TXNRD1: variants seen among roughly 807,000 people sequenced by gnomAD.
The protein encoded by TXNRD1 is thioredoxin reductase 1.
In TXNRD1, 57 loss-of-function variants were observed where a neutral mutation model predicts 80.3. That is an observed-to-expected ratio of 0.71 (90% CI 0.57 to 0.89). The LOEUF (loss-of-function observed/expected upper bound fraction) is 0.89. TXNRD1 is among the 40% of genes least tolerant of loss of function. The probability of loss-of-function intolerance (pLI) is 0.00; values close to 1 mark genes in which losing one functional copy is unlikely to be tolerated. For synonymous variants in TXNRD1, 291 were observed against 285.2 expected (o/e 1.02, Z -0.20); for missense variants, 730 against 803.0 (o/e 0.91, Z 1.10).
intron 4 of TXNRD1, among the ~76,000 whole-genome samples, chr12:104,292,031 G>A (rs887124927): frequency 1.2e-4 from 18 of 152,214 alleles, no homozygotes; most frequent in African/African-American, 4.3e-4. Flanking sequence ...TACTTTAATT[G>A]CAACATAAAT....
intron 10 of TXNRD1, among the ~76,000 whole-genome samples, chr12:104,322,680 T>C (rs2035580103): frequency 6.6e-6 from 1 of 152,220 alleles, no homozygotes; most frequent in Admixed American, 6.5e-5. Flanking sequence ...GCGCCTGGCC[T>C]GTAGCTGTTT....
In TXNRD1 at chr12:104,315,772, T is replaced by C. The variant is rs749952245; in HGVS notation, c.611-5T>C. On this transcript the variant is annotated splice_polypyrimidine_tract_variant and splice_region_variant and intron_variant, in intron 6 of 16. Transcript: ENST00000525566. Reference sequence around the variant, plus strand: ...TTATAAACTGATTTCTCAATGTTGTTGTAGGTCTCGGAGGAACATGTGTGA... The same window carrying C: ...TTATAAACTGATTTCTCAATGTTGTCGTAGGTCTCGGAGGAACATGTGTGA... The C allele has an allele frequency of 6.2e-7, 1 of 1,610,504 alleles. No homozygotes were observed. The highest frequency in any genetic ancestry group is 8.5e-7 in the Non-Finnish European group (1 of 1,177,830).
chr12:104,235,827 A>G (rs2032726693), intron 1 of TXNRD1, among the ~76,000 whole-genome samples: 1 of 152,214 alleles, frequency 6.6e-6, no homozygotes, highest in South Asian at 2.1e-4. Flanking sequence ...CCTTGGGAAC[A>G]TAACCTGTAG....
chr12:104,273,691 C>G (rs770398617), intron 3 of TXNRD1, among the ~76,000 whole-genome samples: 1 of 152,250 alleles, frequency 6.6e-6, no homozygotes, highest in Non-Finnish European at 1.5e-5. Context: ...ACCGCCCCGA[C>G]CTGCGCGTGG....
At chr12:104,327,882 C>T (rs1047306078) in intron 13 of TXNRD1, among the ~76,000 whole-genome samples, 6 of 151,700 alleles carry the variant, frequency 4.0e-5, no homozygotes, top group African/African-American at 9.7e-5. Flanking sequence ...GACACTCCGC[C>T]GGGCACAGTG....
At chr12:104,290,420 G>T (rs1010284363) in intron 4 of TXNRD1, among the ~76,000 whole-genome samples, 3 of 151,882 alleles carry the variant, frequency 2.0e-5, no homozygotes, top group Non-Finnish European at 4.4e-5. Context: ...GGCCGGGTGC[G>T]GTGGCTCACA....
intron 1 of TXNRD1, among the ~76,000 whole-genome samples, chr12:104,228,558 G>A (rs546489856): frequency 1.3e-5 from 2 of 152,204 alleles, no homozygotes; most frequent in Admixed American, 1.3e-4. Flanking sequence ...TTGAACCCAG[G>A]AGGCAGAGAT....
intron 4 of TXNRD1, chr12:104,304,762 T>G: frequency 6.2e-7 from 1 of 1,613,996 alleles, no homozygotes; most frequent in Non-Finnish European, 8.5e-7. Context: ...TAAGGCTTGA[T>G]GAAGACAGGC....
intron 4 of TXNRD1, chr12:104,303,775 T>C (rs1670230806): frequency 8.0e-7 from 1 of 1,246,770 alleles, no homozygotes; most frequent in South Asian, 1.6e-5. Context: ...GCCGCCACTT[T>C]CCACACGCTG....
rs2033294176 is a variant in TXNRD1 at position 104,258,067 on chromosome 12, C to T, written c.292C>T (p.Leu98Phe). 2 of 1,551,190 alleles carry T rather than the reference C, an allele frequency of 1.3e-6. No homozygotes were observed. Among genetic ancestry groups the T allele is most frequent in the African/African-American group, 1.4e-5 (1 of 73,488 alleles). The change falls in exon 3 of 17, where the codon CTT becomes TTT. Residue 98 changes from leucine (L) to phenylalanine (F), a missense_variant. Physicochemically the swap from Leu to Phe is conservative, Grantham distance 22 (BLOSUM62 0). Transcript: ENST00000525566. ...SLCVPYFVLE[L>F]DQTEDGRALE... is the part of the protein sequence containing the mutation. ...GTGTGTTCCTTATTTTGTGCTTGAA[C>T]TTGATCAAACAGGTAAGTTTCTGTT...
chr12:104,290,973 G>C, intron 4 of TXNRD1: 1 of 651,662 alleles, frequency 1.5e-6, no homozygotes, highest in East Asian at 2.9e-5. Flanking sequence ...TTTTTTAATT[G>C]AAAACTTTTT....
intron 3 of TXNRD1, among the ~76,000 whole-genome samples, chr12:104,273,391 G>A (rs1272734748): frequency 9.9e-5 from 15 of 152,228 alleles, no homozygotes; most frequent in Non-Finnish European, 1.6e-4. Flanking sequence ...TCAGGAGTTC[G>A]AGACCAGCCT....
chr12:104,298,195 C>T (rs575292327), intron 4 of TXNRD1, among the ~76,000 whole-genome samples: 1 of 152,290 alleles, frequency 6.6e-6, no homozygotes, highest in Admixed American at 6.5e-5. Context: ...ATCTAAGGAG[C>T]TATTCCTGAG....
chr12:104,348,146 T>G (rs2036552273), intron 16 of TXNRD1, among the ~76,000 whole-genome samples: 1 of 152,234 alleles, frequency 6.6e-6, no homozygotes, highest in African/African-American at 2.4e-5. Context: ...CCTAAATTTT[T>G]TTTCTCTTTC....
chr12:104,313,142 C>A, intron 5 of TXNRD1, 103 bp from the exon 6 acceptor site: 1 of 829,412 alleles, frequency 1.2e-6, no homozygotes, highest in South Asian at 1.6e-5. Context: ...ATTCGTTATG[C>A]TTTAAGCTCT....
At chr12:104,293,839 A>G (rs999466032) in intron 4 of TXNRD1, among the ~76,000 whole-genome samples, 5 of 152,138 alleles carry the variant, frequency 3.3e-5, no homozygotes, top group Non-Finnish European at 7.3e-5. Context: ...ACTATTATTT[A>G]TTGGATACAA....
chr12:104,237,741 G>A (rs77400777), intron 1 of TXNRD1, among the ~76,000 whole-genome samples: 2,913 of 152,292 alleles, frequency 0.019, 113 homozygotes, highest in East Asian at 0.11. Context: ...TAGGCCAGAC[G>A]TGGTGGCTCA....
At chr12:104,286,602 T>TTA in intron 3 of TXNRD1, 1 of 489,612 alleles carries the variant, frequency 2.0e-6, no homozygotes, top group Non-Finnish European at 2.6e-6. Context: ...TTTTTTTTTT[T>TTA]AAACGCAGAG....
chr12:104,290,134 G>A (rs755979087), intron 4 of TXNRD1, among the ~76,000 whole-genome samples: 1 of 152,118 alleles, frequency 6.6e-6, no homozygotes. Flanking sequence ...TAAACCTAAC[G>A]CCTGCGTTAA....
Sources: gnomAD v4.1 joint callset for allele counts (sites outside exome capture counted in the v4.1 genomes callset) on GRCh38, gnomAD v4.1.1 for gene constraint, MANE v1.5 for transcripts, NCBI Gene and HGNC (gene_info 2026-07-23, HGNC 2026-07-21) for gene names.